The following RCOR1 variants were observed in gnomAD, a reference collection of about 807,000 sequenced individuals.
RCOR1 encodes the protein REST corepressor 1.
A neutral mutation model predicts 64.0 loss-of-function variants in RCOR1; 12 were observed. The ratio of observed to expected loss-of-function variants is 0.19; its 90% CI spans 0.12 to 0.30. RCOR1 has a LOEUF of 0.30. RCOR1 is among the 10% of genes least tolerant of loss of function. RCOR1 has a pLI of 1.00. For missense variants in RCOR1, 502 were observed against 621.2 expected (o/e 0.81, Z 2.04); for synonymous variants, 279 against 227.2 (o/e 1.23, Z -2.05).
rs773585407 is a variant in RCOR1, at chr14:102,721,399, G to T, written c.1189+22G>T. The T allele has an allele frequency of 5.5e-5, 87 of 1,592,438 alleles. 1 individual carries two copies. The South Asian group carries it at 8.8e-4, about 16-fold the overall frequency. On this transcript the variant is annotated intron_variant, in intron 10 of 11. Transcript: ENST00000262241. ...CAAGGTAGGGGGAAGTTCTTCTAAA[G>T]AGTTTAGGAGGCCGGCTGTGGTGGC...
At chr14:102,726,338 A>C (rs1205599495) in intron 11 of RCOR1, 130 bp from the exon 12 acceptor site, 3 of 823,406 alleles carry the variant, frequency 3.6e-6, no homozygotes, top group Non-Finnish European at 5.7e-6. Flanking sequence ...TCCAAAAAAA[A>C]AAAAAAGAAC....
chr14:102,592,900 T>C lies in RCOR1; in HGVS notation c.14T>C (p.Val5Ala). MPAM[V>A]EKGPEVSGKR... is the part of the protein sequence containing the mutation. ...CGGCCCCCGCCGATGCCGGCCATGG[T>C]GGAGAAGGGCCCCGAGGTCTCAGGG... The change falls in exon 1 of 12, where the codon GTG (valine) becomes GCG (alanine). Residue 5 changes from valine to alanine, a missense_variant. Around this residue, in one of 2 missense-constraint regions of RCOR1, gnomAD observed 242 missense variants for 204.9 expected, o/e 1.18. Coordinates refer to ENST00000262241, the MANE Select transcript of RCOR1 (RefSeq NM_015156.4). 1 of 1,233,040 alleles carries C rather than the reference T, an allele frequency of 8.1e-7. No homozygotes were observed. 76.4% of individuals were successfully genotyped at this position (1,233,040 alleles called of 1,614,324 possible). A position where few individuals can be genotyped will look rare whatever the true frequency, so the allele number is the denominator to read the frequency against.
In RCOR1 at chr14:102,630,455, C is replaced by T. The variant is rs1010299103; in HGVS notation, c.361+37130C>T. Among the ~76,000 whole-genome samples the T allele has an allele frequency of 2.6e-5, 4 of 152,304 alleles. No individual in the cohort carries two copies. The East Asian group carries it at 7.7e-4, about 29-fold the overall frequency. ...AGGGACTAAGACAACCCCTTTAGGT[C>T]CTAATCATATACATACTTATAGATT... On this transcript the variant is annotated intron_variant, in intron 2 of 11. Coordinates refer to ENST00000262241, the MANE Select transcript of RCOR1 (RefSeq NM_015156.4).
At chr14:102,719,840 GAA>G (rs1203773253) in intron 8 of RCOR1, among the ~76,000 whole-genome samples, 15 of 152,300 alleles carry the variant, frequency 9.8e-5, no homozygotes, top group African/African-American at 3.6e-4. Context: ...ACTGGAATGC[GAA>G]GAGGACATGT....
At chr14:102,661,023 A>C (rs1454865333) in intron 2 of RCOR1, among the ~76,000 whole-genome samples, 1 of 152,176 alleles carries the variant, frequency 6.6e-6, no homozygotes, top group Non-Finnish European at 1.5e-5. Flanking sequence ...AGTCTAATAA[A>C]ATCCTCACAA....
chr14:102,667,584 C>G (rs952225960), intron 2 of RCOR1, among the ~76,000 whole-genome samples: 4 of 152,052 alleles, frequency 2.6e-5, no homozygotes, highest in Non-Finnish European at 5.9e-5. Context: ...GAAACTGAAT[C>G]TGGGGAGACC....
chr14:102,637,797 G>C (rs901044945), intron 2 of RCOR1, among the ~76,000 whole-genome samples: 1 of 152,154 alleles, frequency 6.6e-6, no homozygotes, highest in Non-Finnish European at 1.5e-5. Context: ...GGTGATGTCA[G>C]TAATTTTACA....
chr14:102,602,025 C>T (rs1253804075), intron 2 of RCOR1, among the ~76,000 whole-genome samples: 6 of 151,566 alleles, frequency 4.0e-5, no homozygotes, highest in East Asian at 1.9e-4. Context: ...TGGGTGTGGT[C>T]GCGGGTACCT....
intron 3 of RCOR1, among the ~76,000 whole-genome samples, chr14:102,684,465 A>G (rs1447767328): frequency 1.3e-5 from 2 of 152,168 alleles, no homozygotes; most frequent in Non-Finnish European, 2.9e-5. Flanking sequence ...AACCGAGTAA[A>G]CACGGAGCAC....
At chr14:102,596,553 C>T (rs1219015860) in intron 2 of RCOR1, among the ~76,000 whole-genome samples, 1 of 151,972 alleles carries the variant, frequency 6.6e-6, no homozygotes, top group Non-Finnish European at 1.5e-5. Context: ...CCTCCTCCTA[C>T]TTGTTTTTTT....
chr14:102,638,861 C>T (rs1894299921), intron 2 of RCOR1, among the ~76,000 whole-genome samples: 1 of 152,130 alleles, frequency 6.6e-6, no homozygotes, highest in African/African-American at 2.4e-5. Context: ...CGGGGTTTCG[C>T]CATGCTGGCC....
intron 2 of RCOR1, chr14:102,655,542 C>G (rs551933623): frequency 1.1e-6 from 1 of 947,946 alleles, no homozygotes; most frequent in Non-Finnish European, 1.3e-6. Flanking sequence ...CAGAAAGTTG[C>G]GAAGATTACA....
chr14:102,675,609 C>G (rs1895129181), intron 2 of RCOR1, among the ~76,000 whole-genome samples: 2 of 152,166 alleles, frequency 1.3e-5, no homozygotes, highest in African/African-American at 2.4e-5. Context: ...GATTCAGGTA[C>G]TATTCCTGGA....
chr14:102,644,333 T>C (rs906720342), intron 2 of RCOR1, among the ~76,000 whole-genome samples: 2 of 152,222 alleles, frequency 1.3e-5, no homozygotes, highest in African/African-American at 4.8e-5. Context: ...GTCACAAGTC[T>C]AGTCAGCTTC....
intron 2 of RCOR1, among the ~76,000 whole-genome samples, chr14:102,676,697 C>T (rs1895169907): frequency 1.7e-5 from 2 of 120,834 alleles, no homozygotes; most frequent in East Asian, 2.7e-4. Context: ...CCCCCACCTC[C>T]CTCCCGGACT....
chr14:102,657,863 ATT>A (rs1367979195), intron 2 of RCOR1: 1 of 817,396 alleles, frequency 1.2e-6, no homozygotes, highest in Non-Finnish European at 1.5e-6. Context: ...AAAAAAGAAG[ATT>A]GAATTAAGGG....
chr14:102,620,458 C>T (rs1027952110), intron 2 of RCOR1, among the ~76,000 whole-genome samples: 3 of 152,068 alleles, frequency 2.0e-5, no homozygotes, highest in Admixed American at 2.0e-4. Flanking sequence ...TCCCAGCTAC[C>T]CTGGAGTCTG....
At chr14:102,664,186 A>T (rs1243846696) in intron 2 of RCOR1, among the ~76,000 whole-genome samples, 1 of 151,820 alleles carries the variant, frequency 6.6e-6, no homozygotes, top group Non-Finnish European at 1.5e-5. Flanking sequence ...GCTCATGTCA[A>T]CCTCCGCCTC....
At chr14:102,638,362 C>T (rs74319247) in intron 2 of RCOR1, among the ~76,000 whole-genome samples, 3,570 of 152,144 alleles carry the variant, frequency 0.023, 133 homozygotes, top group African/African-American at 0.077. Context: ...ACCTTTATAG[C>T]GTTGTCTTCT....
Sources: allele counts gnomAD v4.1 joint callset (sites outside exome capture counted in the v4.1 genomes callset), GRCh38; gene constraint gnomAD v4.1.1; regional missense constraint gnomAD v4.1.1; transcripts MANE v1.5; gene names NCBI Gene and HGNC (gene_info 2026-07-23, HGNC 2026-07-21).